The following VOPP1 variants were observed in gnomAD, a reference collection of about 807,000 sequenced individuals.
The protein encoded by VOPP1 is VOPP1 WW domain binding protein.
VOPP1 carries 8 observed loss-of-function variants against 23.5 expected under a neutral mutation model. That is an observed-to-expected ratio of 0.34 (90% CI 0.20 to 0.61). The LOEUF (loss-of-function observed/expected upper bound fraction) is 0.61, where lower values mean the gene tolerates loss of function less well. Ranked by LOEUF, VOPP1 falls within the 20% of genes least tolerant of loss-of-function variation. The pLI is 0.78. For synonymous variants in VOPP1, 83 were observed against 97.3 expected, an observed-to-expected ratio of 0.85 and a Z score of 0.86; for missense variants, 174 against 238.1, an observed-to-expected ratio of 0.73 and a Z score of 1.77.
At chr7:55,461,232 G>A (rs946712412) in intron 4 of VOPP1, among the ~76,000 whole-genome samples, 10 of 152,066 alleles carry the variant, frequency 6.6e-5, no homozygotes, top group Non-Finnish European at 1.2e-4. Context: ...GGGGACTCAC[G>A]GGGAAAGGGT....
intron 2 of VOPP1, among the ~76,000 whole-genome samples, chr7:55,502,802 G>T (rs566642445): frequency 6.6e-6 from 1 of 152,318 alleles, no homozygotes; most frequent in African/African-American, 2.4e-5. Context: ...TGCTCCCAAG[G>T]ACGTCGCAAG....
At chr7:55,499,783 T>A (rs1325772810) in intron 2 of VOPP1, among the ~76,000 whole-genome samples, 2 of 152,136 alleles carry the variant, frequency 1.3e-5, no homozygotes, top group African/African-American at 4.8e-5. Flanking sequence ...GTTCCACGGC[T>A]GCATGCTGGA....
intron 2 of VOPP1, among the ~76,000 whole-genome samples, chr7:55,512,641 C>T (rs1419800125): frequency 1.3e-5 from 2 of 152,188 alleles, no homozygotes; most frequent in African/African-American, 4.8e-5. Context: ...GGCTGTGCTC[C>T]ATCTCCTGAC....
At chr7:55,480,977 A>G (rs1044450069) in intron 4 of VOPP1, among the ~76,000 whole-genome samples, 28 of 152,246 alleles carry the variant, frequency 1.8e-4, no homozygotes, top group African/African-American at 6.8e-4. Context: ...TAAAGCAGGA[A>G]AATTGAAAAA....
intron 4 of VOPP1, among the ~76,000 whole-genome samples, chr7:55,483,326 T>C (rs1452607624): frequency 6.6e-6 from 1 of 152,182 alleles, no homozygotes; most frequent in African/African-American, 2.4e-5. Context: ...CAGGCTGTAA[T>C]TTGACCAGCA....
intron 4 of VOPP1, among the ~76,000 whole-genome samples, chr7:55,445,127 A>G (rs1362763053): frequency 6.6e-6 from 1 of 152,166 alleles, no homozygotes; most frequent in African/African-American, 2.4e-5. Context: ...ACAGAACAGA[A>G]GAGGGGGTGA....
intron 2 of VOPP1, among the ~76,000 whole-genome samples, chr7:55,515,435 A>G (rs1795341490): frequency 6.6e-6 from 1 of 152,138 alleles, no homozygotes; most frequent in African/African-American, 2.4e-5. Flanking sequence ...CCCATCAGCC[A>G]CCTCTGGGCA....
chr7:55,448,642 C>A (rs1182755375), intron 4 of VOPP1, among the ~76,000 whole-genome samples: 1 of 152,228 alleles, frequency 6.6e-6, no homozygotes, highest in African/African-American at 2.4e-5. Flanking sequence ...ATCCTCCACA[C>A]CCAGGCTCCA....
chr7:55,497,738 C>T (rs1031447605), intron 2 of VOPP1, 48 bp from the exon 3 acceptor site: 1 of 1,553,630 alleles, frequency 6.4e-7, no homozygotes, highest in Admixed American at 1.7e-5. Flanking sequence ...GAAGCAGCCA[C>T]CGGACCAGCC....
chr7:55,549,300 G>A (rs1185401625), intron 1 of VOPP1, among the ~76,000 whole-genome samples: 1 of 152,164 alleles, frequency 6.6e-6, no homozygotes, highest in Admixed American at 6.5e-5. Flanking sequence ...CCAATAATCT[G>A]CCCTTCTCTC....
chr7:55,446,605 C>T (rs1275764913), intron 4 of VOPP1, among the ~76,000 whole-genome samples: 1 of 152,146 alleles, frequency 6.6e-6, no homozygotes, highest in East Asian at 1.9e-4. Context: ...AAAACTTGCC[C>T]AGGGTCACTG....
chr7:55,439,998 G>A (rs1790924856), intron 4 of VOPP1, among the ~76,000 whole-genome samples: 6 of 152,188 alleles, frequency 3.9e-5, no homozygotes, highest in Admixed American at 3.9e-4. Flanking sequence ...AATGCCGCTG[G>A]CTGGGGATCC....
At chr7:55,510,063 G>A (rs1315140668) in intron 2 of VOPP1, among the ~76,000 whole-genome samples, 1 of 152,192 alleles carries the variant, frequency 6.6e-6, no homozygotes, top group African/African-American at 2.4e-5. Context: ...ATAAGATGCA[G>A]ATGAACTGGG....
chr7:55,474,157 T>G (rs1792058515), intron 4 of VOPP1, among the ~76,000 whole-genome samples: 1 of 152,224 alleles, frequency 6.6e-6, no homozygotes, highest in African/African-American at 2.4e-5. Context: ...AGAGGCTGCC[T>G]CGCCCTGCAT....
chr7:55,448,358 A>C (rs1270355912), intron 4 of VOPP1, among the ~76,000 whole-genome samples: 2 of 152,238 alleles, frequency 1.3e-5, no homozygotes, highest in African/African-American at 4.8e-5. Flanking sequence ...AGAAATTATA[A>C]ACACAAAATA....
At chr7:55,500,133 G>C (rs1794267602) in intron 2 of VOPP1, among the ~76,000 whole-genome samples, 1 of 152,190 alleles carries the variant, frequency 6.6e-6, no homozygotes, top group African/African-American at 2.4e-5. Context: ...GTGGAAGGCA[G>C]AATGCAACCA....
intron 4 of VOPP1, among the ~76,000 whole-genome samples, chr7:55,457,076 A>G (rs577479564): frequency 6.6e-6 from 1 of 152,246 alleles, no homozygotes; most frequent in South Asian, 2.1e-4. Context: ...TCTCTTCGTG[A>G]CACCGTGTCG....
chr7:55,568,308 T>C (rs1160219267), intron 1 of VOPP1, among the ~76,000 whole-genome samples: 1 of 152,160 alleles, frequency 6.6e-6, no homozygotes, highest in Non-Finnish European at 1.5e-5. Context: ...CTCGATCTCC[T>C]GAGCTCGTGA....
Position 55,572,251 on chromosome 7 carries a change from A to T in VOPP1, c.54+20T>A. On this transcript the variant is annotated intron_variant, in intron 1 of 4. Transcript: ENST00000285279. ...TGGTGGGCGCCGCGCCTCCGGCAGC[A>T]CCCGGTCCCCGGCCCCTACCTCCAA... is the stretch of plus-strand genomic sequence containing the variant. 3 of 1,515,476 alleles carry T rather than the reference A, an allele frequency of 2.0e-6. No homozygotes were observed. The Admixed American group carries it at 6.0e-5, about 30-fold the overall frequency. The allele number at this position is 1,515,476 out of a possible 1,614,324, so 93.9% of individuals were successfully genotyped here.
Sources: gnomAD v4.1 joint callset for allele counts (sites outside exome capture counted in the v4.1 genomes callset) on GRCh38, gnomAD v4.1.1 for gene constraint, MANE v1.5 for transcripts, NCBI Gene and HGNC (gene_info 2026-07-23, HGNC 2026-07-21) for gene names.